Variants in AUH observed in about 807,000 individuals in gnomAD.
AUH encodes methylglutaconyl-CoA hydratase, mitochondrial.
Under a neutral mutation model 42.3 loss-of-function variants are expected in AUH, and 29 were observed. The ratio of observed to expected loss-of-function variants is 0.69; its 90% CI spans 0.51 to 0.93. The LOEUF is 0.93. AUH is among the 40% of genes least tolerant of loss of function. The pLI, the probability that AUH is intolerant of heterozygous loss-of-function variation, is 0.00. For missense variants in AUH, 452 were observed against 438.1 expected (o/e 1.03, Z -0.28); for synonymous variants, 174 against 166.4 (o/e 1.05, Z -0.35).
intron 9 of AUH, 95 bp downstream of exon 9, chr9:91,215,964 G>T: frequency 1.5e-6 from 2 of 1,317,276 alleles, no homozygotes; most frequent in South Asian, 1.2e-5. Flanking sequence ...TGGGCGCAAG[G>T]GTAATCTTGC....
At chr9:91,236,279 T>C (rs1828176203) in intron 6 of AUH, among the ~76,000 whole-genome samples, 1 of 145,868 alleles carries the variant, frequency 6.9e-6, no homozygotes, top group Admixed American at 6.9e-5. Context: ...GGGGTGGGGG[T>C]CTGGAACTTT....
intron 4 of AUH, among the ~76,000 whole-genome samples, chr9:91,309,392 C>A (rs558365877): frequency 6.6e-6 from 1 of 152,244 alleles, no homozygotes; most frequent in South Asian, 2.1e-4. Flanking sequence ...TAATCACACT[C>A]TCCTTCTTGA....
chr9:91,244,113 C>T (rs1199613567), intron 6 of AUH, among the ~76,000 whole-genome samples: 1 of 152,102 alleles, frequency 6.6e-6, no homozygotes, highest in Admixed American at 6.6e-5. Flanking sequence ...CCCTCCCATC[C>T]CAAACAAAAG....
intron 1 of AUH, 42 bp downstream of exon 1, chr9:91,361,586 G>A: frequency 2.6e-6 from 4 of 1,556,258 alleles, no homozygotes; most frequent in African/African-American, 1.4e-5. Context: ...GAGAGCGAGC[G>A]GCCGCCCGCT....
chr9:91,320,385 G>C (rs554580774), intron 4 of AUH, among the ~76,000 whole-genome samples: 1 of 152,310 alleles, frequency 6.6e-6, no homozygotes, highest in African/African-American at 2.4e-5. Context: ...TATGCCCTGT[G>C]ACAGTACCTG....
intron 3 of AUH, among the ~76,000 whole-genome samples, chr9:91,352,380 C>T (rs1172247526): frequency 6.6e-6 from 1 of 151,442 alleles, no homozygotes. Context: ...TATATATATA[C>T]ATATATATAA....
chr9:91,232,128 T>C (rs1587652669), intron 6 of AUH, among the ~76,000 whole-genome samples: 1 of 152,286 alleles, frequency 6.6e-6, no homozygotes, highest in East Asian at 1.9e-4. Context: ...CTCACACCTG[T>C]AATCCCAGCA....
At chr9:91,319,105 AT>A (rs796408451) in intron 4 of AUH, among the ~76,000 whole-genome samples, 9 of 151,522 alleles carry the variant, frequency 5.9e-5, no homozygotes, top group African/African-American at 2.2e-4. Flanking sequence ...CCTTTTTTTC[AT>A]TTGTAATACG....
chr9:91,247,571 C>T (rs999839822), intron 6 of AUH, among the ~76,000 whole-genome samples: 5 of 152,196 alleles, frequency 3.3e-5, no homozygotes, highest in African/African-American at 4.8e-5. Context: ...CCATTGTGTC[C>T]TCCAGGGCCA....
intron 9 of AUH, among the ~76,000 whole-genome samples, chr9:91,215,582 CTT>C (rs1214258011): frequency 6.6e-6 from 1 of 152,000 alleles, no homozygotes; most frequent in Non-Finnish European, 1.5e-5. Context: ...AAATGCAAAA[CTT>C]ACAGATGAAA....
chr9:91,345,280 A>G (rs534573852), intron 3 of AUH, among the ~76,000 whole-genome samples: 2 of 152,310 alleles, frequency 1.3e-5, no homozygotes, highest in East Asian at 3.9e-4. Context: ...TGACTTGACT[A>G]CCTTTGTAGA....
At chr9:91,317,404 C>T (rs1275641367) in intron 4 of AUH, among the ~76,000 whole-genome samples, 1 of 152,156 alleles carries the variant, frequency 6.6e-6, no homozygotes, top group Non-Finnish European at 1.5e-5. Flanking sequence ...AAATATGCTA[C>T]ATGTAGTCCT....
At chr9:91,341,608 A>G (rs1454985785) in intron 3 of AUH, among the ~76,000 whole-genome samples, 1 of 152,182 alleles carries the variant, frequency 6.6e-6, no homozygotes, top group Admixed American at 6.5e-5. Flanking sequence ...TAACCATGAC[A>G]TTTTGCCAAT....
At chr9:91,247,114 T>C (rs1828840599) in intron 6 of AUH, among the ~76,000 whole-genome samples, 1 of 152,236 alleles carries the variant, frequency 6.6e-6, no homozygotes, top group Non-Finnish European at 1.5e-5. Context: ...CTCAGCCACA[T>C]TCTTTGCAGT....
chr9:91,254,437 T>C (rs1156382969), intron 6 of AUH, among the ~76,000 whole-genome samples: 1 of 152,180 alleles, frequency 6.6e-6, no homozygotes, highest in Non-Finnish European at 1.5e-5. Flanking sequence ...CAGGATGAGC[T>C]TATGCTTTCT....
intron 6 of AUH, among the ~76,000 whole-genome samples, chr9:91,285,707 A>C (rs2131591270): frequency 6.6e-6 from 1 of 152,302 alleles, no homozygotes; most frequent in Non-Finnish European, 1.5e-5. Flanking sequence ...ACACAGTACA[A>C]AGTCAGCAAA....
chr9:91,223,067 G>A (rs1246519749), intron 6 of AUH, among the ~76,000 whole-genome samples: 1 of 152,212 alleles, frequency 6.6e-6, no homozygotes, highest in Non-Finnish European at 1.5e-5. Flanking sequence ...TTAAGCTGAG[G>A]GGTAGACAGC....
chr9:91,225,286 T>TG (rs1564009452), intron 6 of AUH, among the ~76,000 whole-genome samples: 1 of 152,232 alleles, frequency 6.6e-6, no homozygotes, highest in Non-Finnish European at 1.5e-5. Flanking sequence ...CTAGTTAGCA[T>TG]GCCATGCCTG....
intron 1 of AUH, among the ~76,000 whole-genome samples, chr9:91,360,817 G>A (rs930299623): frequency 1.3e-5 from 2 of 152,160 alleles, no homozygotes; most frequent in African/African-American, 4.8e-5. Flanking sequence ...CTCAACAAAT[G>A]CATGTCAAAA....
Sources: allele counts gnomAD v4.1 joint callset (sites outside exome capture counted in the v4.1 genomes callset), GRCh38; gene constraint gnomAD v4.1.1; transcripts MANE v1.5; gene names NCBI Gene and HGNC (gene_info 2026-07-23, HGNC 2026-07-21).